PACRG: variants seen among roughly 807,000 people sequenced by gnomAD.
The protein encoded by PACRG is parkin coregulated gene protein.
In PACRG, 29 loss-of-function variants were observed where a neutral mutation model predicts 29.7. The observed-to-expected ratio is 0.98, with a 90% CI of 0.73 to 1.33. The LOEUF is 1.33. Ranked by LOEUF, PACRG falls within the 40% of genes most tolerant of loss-of-function variation. The probability of loss-of-function intolerance (pLI) is 0.00; values close to 1 mark genes in which losing one functional copy is unlikely to be tolerated. For synonymous variants in PACRG, 116 were observed against 118.7 expected (o/e 0.98, Z 0.15); for missense variants, 279 against 316.2 (o/e 0.88, Z 0.89).
At chr6:162,798,578 C>T (rs1785577207) in intron 1 of PACRG, among the ~76,000 whole-genome samples, 1 of 151,858 alleles carries the variant, frequency 6.6e-6, no homozygotes, top group South Asian at 2.1e-4. Flanking sequence ...ATATGATTTC[C>T]AAAATAAGAA....
intron 2 of PACRG, among the ~76,000 whole-genome samples, chr6:162,932,894 TA>T (rs1455931936): frequency 1.3e-5 from 2 of 151,994 alleles, no homozygotes; most frequent in Admixed American, 1.3e-4. Flanking sequence ...ATAAACGTTC[TA>T]AAAATTTTGG....
At chr6:162,831,676 G>A (rs997147914) in intron 2 of PACRG, among the ~76,000 whole-genome samples, 1 of 151,982 alleles carries the variant, frequency 6.6e-6, no homozygotes, top group South Asian at 2.1e-4. Flanking sequence ...CCCCACAAGA[G>A]GCCCCAGTGT....
chr6:163,187,858 C>T (rs1780026088), intron 4 of PACRG: 1 of 152,434 alleles, frequency 6.6e-6, no homozygotes, highest in Admixed American at 6.5e-5. Flanking sequence ...CGCCTGTCAT[C>T]ACGTGAAGAG....
intron 2 of PACRG, among the ~76,000 whole-genome samples, chr6:162,871,267 A>T (rs930353403): frequency 1.3e-5 from 2 of 152,230 alleles, no homozygotes; most frequent in African/African-American, 4.8e-5. Flanking sequence ...TATAAGGCAC[A>T]TATATTTTAT....
intron 1 of PACRG, among the ~76,000 whole-genome samples, chr6:162,779,578 G>C (rs1425665169): frequency 6.6e-6 from 1 of 152,156 alleles, no homozygotes; most frequent in Non-Finnish European, 1.5e-5. Flanking sequence ...GCTTCACCTA[G>C]AATTCAAAAT....
At chr6:163,007,646 T>C (rs570612293) in intron 2 of PACRG, among the ~76,000 whole-genome samples, 6 of 152,196 alleles carry the variant, frequency 3.9e-5, no homozygotes, top group Non-Finnish European at 7.4e-5. Context: ...ATTTGTGTCC[T>C]GCTTCTTAGG....
chr6:163,002,443 A>G (rs79410591), intron 2 of PACRG, among the ~76,000 whole-genome samples: 110 of 152,330 alleles, frequency 7.2e-4, no homozygotes, highest in African/African-American at 2.5e-3. Flanking sequence ...AAGAAAAATC[A>G]TTTGAACCAA....
At chr6:163,299,741 T>C (rs1179223706) in intron 4 of PACRG, among the ~76,000 whole-genome samples, 1 of 152,012 alleles carries the variant, frequency 6.6e-6, no homozygotes, top group Non-Finnish European at 1.5e-5. Flanking sequence ...TAGCTGGGCA[T>C]GGGGGCGCGT....
chr6:163,212,650 T>G (rs945482964), intron 4 of PACRG, among the ~76,000 whole-genome samples: 48 of 152,160 alleles, frequency 3.2e-4, no homozygotes, highest in African/African-American at 1.2e-3. Context: ...TGACTCCATA[T>G]TAATATAAAT....
intron 2 of PACRG, among the ~76,000 whole-genome samples, chr6:162,982,424 C>A (rs1166909247): frequency 1.3e-5 from 2 of 151,366 alleles, no homozygotes; most frequent in East Asian, 3.9e-4. Context: ...TTAGACTTTG[C>A]GACGTAGGCA....
chr6:162,961,368 A>G (rs546812831), intron 2 of PACRG, among the ~76,000 whole-genome samples: 1 of 152,358 alleles, frequency 6.6e-6, no homozygotes, highest in Admixed American at 6.5e-5. Context: ...GTGTCACAGC[A>G]TGACAGCAGG....
At chr6:162,823,294 G>A (rs1787993707) in intron 2 of PACRG, among the ~76,000 whole-genome samples, 1 of 151,964 alleles carries the variant, frequency 6.6e-6, no homozygotes, top group South Asian at 2.1e-4. Context: ...AGTACAGTAA[G>A]CTTATTGTCT....
intron 4 of PACRG, among the ~76,000 whole-genome samples, chr6:163,095,995 A>G (rs1394540847): frequency 2.0e-5 from 3 of 152,182 alleles, no homozygotes; most frequent in African/African-American, 7.2e-5. Flanking sequence ...ACATTGCTGT[A>G]ACTAGTGTTA....
chr6:163,246,535 C>T (rs966615334), intron 4 of PACRG, among the ~76,000 whole-genome samples: 8 of 152,234 alleles, frequency 5.3e-5, no homozygotes, highest in South Asian at 2.1e-4. Flanking sequence ...TTTACATAGC[C>T]GTTTGCTTAA....
At chr6:163,180,773 TA>T in intron 4 of PACRG, among the ~76,000 whole-genome samples, 1 of 152,294 alleles carries the variant, frequency 6.6e-6, no homozygotes, top group South Asian at 2.1e-4. Context: ...TTCTTTAGGT[TA>T]AAAAAATGGG....
At chr6:163,243,927 A>C (rs1049174122) in intron 4 of PACRG, among the ~76,000 whole-genome samples, 1 of 152,214 alleles carries the variant, frequency 6.6e-6, no homozygotes, top group Admixed American at 6.5e-5. Context: ...GTCTGTACAA[A>C]AACGAAATGT....
Position 162,887,600 on chromosome 6 carries a change from A to G in PACRG, c.291+73319A>G, listed in dbSNP as rs532524645. ...CAAAATTCAGAGTGAAAAAACTAAC[A>G]TATCAGGGTGAAATTATCTCAGGAT... On this transcript the variant is annotated intron_variant, in intron 2 of 4. Transcript: ENST00000366888. 2.0e-4 allele frequency among the ~76,000 whole-genome samples: 31 copies of G among 152,324 alleles called. No individual in the cohort carries two copies. In the South Asian group the frequency reaches 4.6e-3, roughly 22 times the overall value.
At chr6:163,264,389 A>G (rs994563976) in intron 4 of PACRG, among the ~76,000 whole-genome samples, 3 of 152,082 alleles carry the variant, frequency 2.0e-5, no homozygotes, top group Non-Finnish European at 4.4e-5. Context: ...TCCACTGCGC[A>G]CTGCTCTACA....
intron 4 of PACRG, among the ~76,000 whole-genome samples, chr6:163,280,773 A>T (rs1784200845): frequency 6.6e-6 from 1 of 152,066 alleles, no homozygotes; most frequent in African/African-American, 2.4e-5. Flanking sequence ...GCACCTCCTT[A>T]TAAGAACATG....
Sources: allele counts gnomAD v4.1 joint callset (sites outside exome capture counted in the v4.1 genomes callset), GRCh38; gene constraint gnomAD v4.1.1; transcripts MANE v1.5; gene names NCBI Gene and HGNC (gene_info 2026-07-23, HGNC 2026-07-21).